Variants in CEMIP observed in about 807,000 individuals in gnomAD.
CEMIP encodes cell migration-inducing and hyaluronan-binding protein.
In CEMIP, 105 loss-of-function variants were observed where a neutral mutation model predicts 156.9. That is an observed-to-expected ratio of 0.67 (90% CI 0.57 to 0.79). The LOEUF (loss-of-function observed/expected upper bound fraction) is 0.79. CEMIP is among the 30% of genes least tolerant of loss of function. The pLI is 0.00. For missense variants in CEMIP, 1,457 were observed against 1,769.4 expected, an observed-to-expected ratio of 0.82 and a Z score of 3.17; for synonymous variants, 676 against 668.4, an observed-to-expected ratio of 1.01 and a Z score of -0.17.
At chr15:80,915,802 T>A (rs1460493092) in intron 14 of CEMIP, among the ~76,000 whole-genome samples, 1 of 151,800 alleles carries the variant, frequency 6.6e-6, no homozygotes, top group Non-Finnish European at 1.5e-5. Context: ...CGGGTTTTTT[T>A]CTTCCACCCA....
In CEMIP at chr15:80,906,701, G is replaced by A. The variant is rs1180151787; in HGVS notation, c.1450G>A (p.Gly484Ser). 18 of 1,614,068 alleles carry A rather than the reference G, an allele frequency of 1.1e-5. No homozygotes were observed. Among genetic ancestry groups the A allele is most frequent in the East Asian group, 4.5e-5 (2 of 44,898 alleles). ...CCTGCACATCGGGGAGGAGATAGACGGCGTGGACATGCGGGCGGAGGTTGG... is the reference window on the plus strand; with the variant it reads ...CCTGCACATCGGGGAGGAGATAGACAGCGTGGACATGCGGGCGGAGGTTGG... ...MYLHIGEEID[G>S]VDMRAEVGLL... The change falls in exon 13 of 30, where the codon GGC becomes AGC. Residue 484 changes from glycine (G) to serine (S), a missense_variant. By Grantham distance (56) the Gly-to-Ser change is moderately conservative. Coordinates refer to ENST00000394685, the MANE Select transcript of CEMIP (RefSeq NM_001293298.2). The surrounding 1 kb of genome is among the most constrained non-coding windows in gnomAD (Gnocchi z 4.3).
At chr15:80,913,419 C>G (rs1039728130) in intron 14 of CEMIP, among the ~76,000 whole-genome samples, 8 of 150,786 alleles carry the variant, frequency 5.3e-5, no homozygotes, top group African/African-American at 2.0e-4. Context: ...CATTCAACTC[C>G]TAACTCTTTC....
chr15:80,941,421 C>T (rs1353880833), intron 25 of CEMIP, among the ~76,000 whole-genome samples: 7 of 152,112 alleles, frequency 4.6e-5, no homozygotes, highest in Non-Finnish European at 1.0e-4. Flanking sequence ...GACAGAGCAT[C>T]TCCTCACCGG....
chr15:80,812,938 A>C (rs139340761), intron 1 of CEMIP, among the ~76,000 whole-genome samples: 266 of 152,314 alleles, frequency 1.7e-3, no homozygotes, highest in African/African-American at 6.0e-3. Context: ...TTGAAAATGC[A>C]GAGTTGGACA....
chr15:80,822,999 AT>A (rs1896944967), intron 1 of CEMIP, among the ~76,000 whole-genome samples: 1 of 152,142 alleles, frequency 6.6e-6, no homozygotes, highest in African/African-American at 2.4e-5. Context: ...CTACTGACTG[AT>A]TGTGTGGTCC....
In CEMIP at chr15:80,886,550, TA is replaced by T. The variant is rs754912597; in HGVS notation, c.798-1143del. Among the ~76,000 whole-genome samples the T allele has an allele frequency of 3.0e-4, 46 of 152,200 alleles. No homozygotes were observed. In the East Asian group the frequency reaches 6.6e-3, roughly 22 times the overall value. ...AGCTTATAGTAAGAGAGGGCTACTG[TA>T]GGGGGGGAAAATCTCTTTCCTTCTA... On this transcript the variant is annotated intron_variant, in intron 7 of 29. Coordinates refer to ENST00000394685, the MANE Select transcript of CEMIP (RefSeq NM_001293298.2).
At chr15:80,882,919 A>C (rs1443197020) in intron 6 of CEMIP, among the ~76,000 whole-genome samples, 1 of 152,078 alleles carries the variant, frequency 6.6e-6, no homozygotes, top group Non-Finnish European at 1.5e-5. Flanking sequence ...TGAAGACAGG[A>C]GTGGGCGGGT....
chr15:80,891,723 G>C (rs1219027700), intron 10 of CEMIP, among the ~76,000 whole-genome samples: 1 of 152,224 alleles, frequency 6.6e-6, no homozygotes, highest in African/African-American at 2.4e-5. Flanking sequence ...CTCTACCGAA[G>C]AGAAGGTGTT....
chr15:80,896,008 G>A lies in CEMIP; in HGVS notation c.1359G>A (p.Glu453=), dbSNP rs377272717. ...STDYSMYQAE[E]FQVLPCRSCA... ...ATTACTCCATGTACCAGGCAGAAGA[G>A]TTCCAGGTGCTTCCCTGCAGATCCT... The change falls in exon 12 of 30, where the codon GAG becomes GAA. Residue 453 remains glutamate (E), a synonymous_variant. Transcript: ENST00000394685. 4.3e-6 allele frequency: 7 copies of A among 1,614,192 alleles called. No individual in the cohort carries two copies. The highest frequency in any genetic ancestry group is 5.1e-6 in the Non-Finnish European group (6 of 1,180,034).
intron 1 of CEMIP, among the ~76,000 whole-genome samples, chr15:80,795,942 G>A (rs1567050158): frequency 6.6e-6 from 1 of 152,076 alleles, no homozygotes; most frequent in Non-Finnish European, 1.5e-5. Flanking sequence ...ATGATATGGA[G>A]TTTTTTGTTA....
chr15:80,827,784 A>G (rs563112129), intron 1 of CEMIP, among the ~76,000 whole-genome samples: 1 of 152,266 alleles, frequency 6.6e-6, no homozygotes, highest in South Asian at 2.1e-4. Flanking sequence ...TGGAGAGGAG[A>G]CTAGAGTGAA....
At chr15:80,887,562 AT>A (rs1226798185) in intron 7 of CEMIP, 131 bp from the exon 8 acceptor site, 1 of 717,048 alleles carries the variant, frequency 1.4e-6, no homozygotes, top group African/African-American at 1.8e-5. Flanking sequence ...AAGTGAATGA[AT>A]TTCCCCCAAA....
At chr15:80,883,732 G>T (rs983070714) in intron 6 of CEMIP, among the ~76,000 whole-genome samples, 1 of 152,190 alleles carries the variant, frequency 6.6e-6, no homozygotes, top group Non-Finnish European at 1.5e-5. Flanking sequence ...AGAATTCTGG[G>T]ATTGGTGTTT....
At chr15:80,813,565 C>T (rs1056764624) in intron 1 of CEMIP, among the ~76,000 whole-genome samples, 1 of 152,074 alleles carries the variant, frequency 6.6e-6, no homozygotes, top group East Asian at 1.9e-4. Flanking sequence ...AGGCTGGTCT[C>T]GAATTCCTGT....
chr15:80,903,954 T>G (rs28444212), intron 12 of CEMIP, among the ~76,000 whole-genome samples: 2 of 152,086 alleles, frequency 1.3e-5, no homozygotes, highest in Non-Finnish European at 2.9e-5. Flanking sequence ...GACACATGGC[T>G]CTGTGGCCCA....
chr15:80,937,029 G>A, intron 24 of CEMIP, 144 bp downstream of exon 24: 1 of 816,348 alleles, frequency 1.2e-6, no homozygotes, highest in Non-Finnish European at 2.0e-6. Context: ...CATCACCCAG[G>A]AGTTAAGAAT....
chr15:80,930,489 C>T (rs995849969), intron 21 of CEMIP, among the ~76,000 whole-genome samples: 1 of 152,138 alleles, frequency 6.6e-6, no homozygotes, highest in African/African-American at 2.4e-5. Context: ...ATGGTTGATC[C>T]ATCTTGTATA....
intron 19 of CEMIP, among the ~76,000 whole-genome samples, chr15:80,927,159 AAGT>A (rs138969212): frequency 0.033 from 4,965 of 152,254 alleles, 100 homozygotes; most frequent in African/African-American, 0.046. Flanking sequence ...AGGAGAAAAG[AAGT>A]CATTCATTTT....
intron 1 of CEMIP, among the ~76,000 whole-genome samples, chr15:80,790,250 A>G (rs186462636): frequency 1.3e-5 from 2 of 152,338 alleles, no homozygotes; most frequent in African/African-American, 4.8e-5. Context: ...CAAATGAATG[A>G]GTCCTGCGTC....
Sources: gnomAD v4.1 joint callset for allele counts (sites outside exome capture counted in the v4.1 genomes callset) on GRCh38, gnomAD v4.1.1 for gene constraint, Gnocchi (gnomAD v3.1) non-coding constraint, MANE v1.5 for transcripts, NCBI Gene and HGNC (gene_info 2026-07-23, HGNC 2026-07-21) for gene names.